LINGO2: variants seen among roughly 807,000 people sequenced by gnomAD.
LINGO2 encodes the protein leucine rich repeat and Ig domain containing 2.
In LINGO2, 14 loss-of-function variants were observed where a neutral mutation model predicts 30.6. The ratio of observed to expected loss-of-function variants is 0.46; its 90% CI spans 0.30 to 0.72. The LOEUF (loss-of-function observed/expected upper bound fraction) is 0.72, where lower values mean the gene tolerates loss of function less well. LINGO2 is among the 30% of genes least tolerant of loss of function. The pLI is 0.07. For synonymous variants in LINGO2, 317 were observed against 288.5 expected, an observed-to-expected ratio of 1.10 and a Z score of -1.00; for missense variants, 729 against 751.7, an observed-to-expected ratio of 0.97 and a Z score of 0.35.
the LINGO2 span, among the ~76,000 whole-genome samples, chr9:29,080,409 A>ATT: frequency 6.6e-6 from 1 of 150,576 alleles, no homozygotes; most frequent in African/African-American, 2.4e-5. Context: ...GGATTCATTG[A>ATT]TTTTTTTTTA....
chr9:29,148,822 T>A, the LINGO2 span, among the ~76,000 whole-genome samples: 1 of 152,064 alleles, frequency 6.6e-6, no homozygotes, highest in East Asian at 1.9e-4. Context: ...AATTACGGGA[T>A]TTTGCCCCAC....
At chr9:28,820,506 T>A in the LINGO2 span, among the ~76,000 whole-genome samples, 1 of 152,182 alleles carries the variant, frequency 6.6e-6, no homozygotes, top group Non-Finnish European at 1.5e-5. Flanking sequence ...TCAGTCAAGG[T>A]CAGAAGGATA....
chr9:28,596,599 A>G (rs1045814169), intron 1 of LINGO2, among the ~76,000 whole-genome samples: 8 of 152,196 alleles, frequency 5.3e-5, no homozygotes, highest in Non-Finnish European at 1.0e-4. Flanking sequence ...AGTGCTGGAT[A>G]ATAAACAAGA....
intron 2 of LINGO2, among the ~76,000 whole-genome samples, chr9:28,388,110 A>G (rs529338786): frequency 1.2e-3 from 176 of 152,292 alleles, no homozygotes; most frequent in African/African-American, 3.9e-3. Context: ...ACTGTTCTTC[A>G]TAGTTTTACT....
the LINGO2 span, among the ~76,000 whole-genome samples, chr9:28,807,164 A>G: frequency 5.3e-5 from 8 of 151,860 alleles, no homozygotes; most frequent in African/African-American, 1.9e-4. Context: ...AGCTGGGACT[A>G]CAGGGGCCTG....
At chr9:28,644,040 C>T (rs1827724075) in intron 1 of LINGO2, among the ~76,000 whole-genome samples, 1 of 151,946 alleles carries the variant, frequency 6.6e-6, no homozygotes, top group South Asian at 2.1e-4. Flanking sequence ...ATAACAAATG[C>T]TGATGAGGAT....
chr9:28,806,031 T>C, the LINGO2 span, among the ~76,000 whole-genome samples: 3,546 of 152,284 alleles, frequency 0.023, 130 homozygotes, highest in African/African-American at 0.08. Flanking sequence ...TATGAAAATG[T>C]ATCTTCTTCC....
chr9:28,912,868 T>A, the LINGO2 span, among the ~76,000 whole-genome samples: 1 of 152,184 alleles, frequency 6.6e-6, no homozygotes, highest in African/African-American at 2.4e-5. Context: ...ATTCATGACA[T>A]CACCTCCTGG....
intron 4 of LINGO2, among the ~76,000 whole-genome samples, chr9:28,071,969 T>C (rs1825492150): frequency 6.6e-6 from 1 of 152,200 alleles, no homozygotes; most frequent in South Asian, 2.1e-4. Context: ...TATAAGTCTT[T>C]AGACAATGTA....
chr9:28,148,703 G>T lies in LINGO2; in HGVS notation c.-86-136298C>A. ...TTTCTACTCCAACGGCCATGGAGTC[G>T]CCAGTTCACACAGCCCTGCTGGAGG... On this transcript the variant is annotated intron_variant, in intron 4 of 5. Coordinates refer to ENST00000379992, the Ensembl canonical transcript of LINGO2. This position sits in a 1 kb window ranked among gnomAD's most constrained non-coding sequence, Gnocchi z 5.1. 6.5e-7 allele frequency: 1 copy of T among 1,533,706 alleles called. No individual in the cohort carries two copies. Among genetic ancestry groups the T allele is most frequent in the Non-Finnish European group, 8.7e-7 (1 of 1,146,126 alleles).
chr9:28,285,642 T>A (rs1048536687), intron 4 of LINGO2, among the ~76,000 whole-genome samples: 27 of 152,008 alleles, frequency 1.8e-4, no homozygotes, highest in African/African-American at 5.8e-4. Flanking sequence ...CCTGACCTCG[T>A]GATCTGCCTG....
At chr9:28,685,826 C>A in the LINGO2 span, among the ~76,000 whole-genome samples, 11 of 152,010 alleles carry the variant, frequency 7.2e-5, no homozygotes, top group African/African-American at 2.7e-4. Context: ...TCTAGACATA[C>A]GTATTTCCTC....
chr9:28,648,693 A>G (rs189087093), intron 1 of LINGO2, among the ~76,000 whole-genome samples: 1 of 152,312 alleles, frequency 6.6e-6, no homozygotes, highest in East Asian at 1.9e-4. Flanking sequence ...ATTTGACTTC[A>G]CAAGTCTTAG....
At chr9:27,963,213 A>G (rs1819932310) in intron 5 of LINGO2, among the ~76,000 whole-genome samples, 1 of 152,182 alleles carries the variant, frequency 6.6e-6, no homozygotes, top group Admixed American at 6.6e-5. Context: ...CATGGTGCCT[A>G]GCACATAAAT....
At chr9:28,546,278 A>C (rs750450317) in intron 1 of LINGO2, among the ~76,000 whole-genome samples, 1 of 152,082 alleles carries the variant, frequency 6.6e-6, no homozygotes, top group Non-Finnish European at 1.5e-5. Flanking sequence ...CTATAGCAAA[A>C]GGCAGGTTAA....
chr9:28,883,662 A>ATATATATATATG, the LINGO2 span, among the ~76,000 whole-genome samples: 1 of 127,160 alleles, frequency 7.9e-6, no homozygotes, highest in Non-Finnish European at 1.7e-5. Context: ...ATATATATAT[A>ATATATATATATG]TATATATTTG....
the LINGO2 span, among the ~76,000 whole-genome samples, chr9:28,932,769 C>G: frequency 6.6e-6 from 1 of 152,120 alleles, no homozygotes; most frequent in African/African-American, 2.4e-5. Flanking sequence ...CAATTTACCA[C>G]CCAGCTACTT....
At chr9:28,068,791 T>C (rs1825388624) in intron 4 of LINGO2, among the ~76,000 whole-genome samples, 1 of 152,126 alleles carries the variant, frequency 6.6e-6, no homozygotes, top group African/African-American at 2.4e-5. Context: ...GCTTTTGAGT[T>C]CAAATCCAAT....
At chr9:28,071,271 A>G (rs1563957778) in intron 4 of LINGO2, among the ~76,000 whole-genome samples, 1 of 152,126 alleles carries the variant, frequency 6.6e-6, no homozygotes, top group Admixed American at 6.6e-5. Flanking sequence ...CTTAACAACT[A>G]TTGCCAATCA....
Sources: gnomAD v4.1 joint callset for allele counts (sites outside exome capture counted in the v4.1 genomes callset) on GRCh38, gnomAD v4.1.1 for gene constraint, Gnocchi (gnomAD v3.1) non-coding constraint, MANE v1.5 for transcripts, NCBI Gene and HGNC (gene_info 2026-07-23, HGNC 2026-07-21) for gene names.